The following SYT14 variants were observed in gnomAD, a reference collection of about 807,000 sequenced individuals.
SYT14 encodes synaptotagmin 14.
Under a neutral mutation model 74.2 loss-of-function variants are expected in SYT14, and 32 were observed. The observed-to-expected ratio is 0.43, with a 90% confidence interval of 0.33 to 0.58. The LOEUF (loss-of-function observed/expected upper bound fraction) is 0.58, where lower values mean the gene tolerates loss of function less well. Among genes scored for constraint, SYT14 ranks in the 20% least tolerant of loss-of-function variants. The pLI, the probability that SYT14 is intolerant of heterozygous loss-of-function variation, is 0.05. For missense variants in SYT14, 791 were observed against 981.8 expected, an observed-to-expected ratio of 0.81 and a Z score of 2.60; for synonymous variants, 298 against 337.7, an observed-to-expected ratio of 0.88 and a Z score of 1.29.
chr1:210,146,831 C>T (rs2083047972), intron 7 of SYT14, among the ~76,000 whole-genome samples: 1 of 150,854 alleles, frequency 6.6e-6, no homozygotes, highest in African/African-American at 2.4e-5. Context: ...TACATGCATA[C>T]TATATGTATG....
chr1:209,984,465 C>T (rs529434489), intron 2 of SYT14, among the ~76,000 whole-genome samples: 1 of 152,208 alleles, frequency 6.6e-6, no homozygotes, highest in Non-Finnish European at 1.5e-5. Flanking sequence ...TTCCTTCTCC[C>T]TCATTTTCTG....
At chr1:210,006,367 C>T (rs1439043962) in intron 2 of SYT14, among the ~76,000 whole-genome samples, 1 of 151,820 alleles carries the variant, frequency 6.6e-6, no homozygotes, top group African/African-American at 2.4e-5. Flanking sequence ...CTTCTGTTTT[C>T]CTAAATTATC....
exon 10 of SYT14, chr1:210,170,308 G>GT (rs2083511250): frequency 1.3e-5 from 2 of 151,848 alleles, no homozygotes; most frequent in African/African-American, 4.8e-5. Context: ...GAAGCAGTCT[G>GT]TTTTATAGAG....
chr1:210,135,844 G>A (rs2082774351), intron 7 of SYT14, among the ~76,000 whole-genome samples: 1 of 152,086 alleles, frequency 6.6e-6, no homozygotes, highest in Admixed American at 6.5e-5. Context: ...CACTACTCAG[G>A]CAATTTCCTT....
At position 209,938,345 on chromosome 1, in the gene SYT14, G is replaced by C. The variant is rs1045196642; in HGVS notation, c.-534+68G>C. On this transcript the variant is annotated intron_variant, in intron 1 of 9. Transcript: ENST00000637265. ...CAGCTGGCGGGGGGCTCGGAGGTGC[G>C]CCGGCAGGCCGAGGCGCTGACGGGG... 5 of 1,479,108 alleles carry C rather than the reference G, an allele frequency of 3.4e-6. 1 individual carries two copies. The African/African-American group carries it at 5.8e-5, about 17-fold the overall frequency. 91.6% of individuals were successfully genotyped at this position (1,479,108 alleles called of 1,614,324 possible).
At chr1:209,980,674 A>T (rs552906112) in intron 2 of SYT14, among the ~76,000 whole-genome samples, 4 of 152,330 alleles carry the variant, frequency 2.6e-5, no homozygotes, top group African/African-American at 9.6e-5. Flanking sequence ...ATGGCTAGCC[A>T]GTTCTCCCAG....
chr1:210,169,220 T>TG (rs1428562774), exon 10 of SYT14: 15 of 85,374 alleles, frequency 1.8e-4, no homozygotes, highest in South Asian at 1.6e-3. Context: ...ATGTTTTTGG[T>TG]GTTTTTTTTT....
chr1:210,047,727 A>G (rs547609683), intron 5 of SYT14, among the ~76,000 whole-genome samples: 8 of 152,314 alleles, frequency 5.3e-5, no homozygotes, highest in African/African-American at 1.7e-4. Context: ...TATATTTTCA[A>G]TGCATTTCTG....
In SYT14 at chr1:210,079,531, G is replaced by A. The variant is rs114127780; in HGVS notation, c.1313-14791G>A. Among the ~76,000 whole-genome samples, 1,202 of 152,240 alleles carry A rather than the reference G, an allele frequency of 7.9e-3. 21 individuals carry two copies. The highest frequency in any genetic ancestry group is 0.028 in the African/African-American group (1,146 of 41,538). On this transcript the variant is annotated intron_variant, in intron 5 of 9. Coordinates refer to ENST00000637265, the Ensembl canonical transcript of SYT14. Reference sequence around the variant, plus strand: ...AAAACCACTTGTGGCTCATTTGGGCGTGACATTGTCCGAGTTGAGAATGCA... The same window carrying A: ...AAAACCACTTGTGGCTCATTTGGGCATGACATTGTCCGAGTTGAGAATGCA...
chr1:210,023,544 A>G (rs1318006978), intron 5 of SYT14, among the ~76,000 whole-genome samples: 1 of 151,940 alleles, frequency 6.6e-6, no homozygotes, highest in Non-Finnish European at 1.5e-5. Flanking sequence ...GGGCTTCACC[A>G]TATTGGCCAG....
chr1:210,052,012 A>G (rs903155298), intron 5 of SYT14, among the ~76,000 whole-genome samples: 5 of 152,126 alleles, frequency 3.3e-5, no homozygotes, highest in Admixed American at 3.3e-4. Flanking sequence ...TTGCATATGT[A>G]TAGTCAAATT....
At chr1:209,965,665 C>T (rs1221469719) in intron 2 of SYT14, among the ~76,000 whole-genome samples, 4 of 152,180 alleles carry the variant, frequency 2.6e-5, no homozygotes, top group Admixed American at 6.5e-5. Context: ...AACTAATTTA[C>T]AGTCCCATCA....
rs1464342102 is a variant in SYT14, at chr1:210,122,050, T to C, written c.2034+21589T>C. Among the ~76,000 whole-genome samples, 2 of 17,722 alleles carry C rather than the reference T, an allele frequency of 1.1e-4. 1 individual carries two copies. The highest frequency in any genetic ancestry group is 1.7e-4 in the Non-Finnish European group (2 of 11,502). The allele number at this position is 17,722 out of a possible 152,430, so 11.6% of individuals were successfully genotyped here. A position where few individuals can be genotyped will look rare whatever the true frequency, so the allele number is the denominator to read the frequency against. ...TGGAGTGCAGTGGTGGGATCTCGGCTCACTGCAAGCTCCGCCTCCCGGGTT... is the reference window on the plus strand; with the variant it reads ...TGGAGTGCAGTGGTGGGATCTCGGCCCACTGCAAGCTCCGCCTCCCGGGTT... On this transcript the variant is annotated intron_variant, in intron 7 of 9. Transcript: ENST00000637265.
At chr1:210,113,561 G>C (rs2082304263) in intron 7 of SYT14, among the ~76,000 whole-genome samples, 1 of 151,120 alleles carries the variant, frequency 6.6e-6, no homozygotes, top group Non-Finnish European at 1.5e-5. Context: ...ATGGGATATT[G>C]GTGTTGAGCG....
At chr1:210,074,788 T>C (rs962186240) in intron 5 of SYT14, among the ~76,000 whole-genome samples, 18 of 152,210 alleles carry the variant, frequency 1.2e-4, no homozygotes, top group African/African-American at 4.1e-4. Context: ...ACTGGCAGGC[T>C]GTGGGGCTCT....
chr1:210,088,384 G>T (rs2081785729), intron 5 of SYT14, among the ~76,000 whole-genome samples: 2 of 151,770 alleles, frequency 1.3e-5, no homozygotes, highest in Admixed American at 1.3e-4. Context: ...GGTGTGTGAT[G>T]TTCCCCTCCC....
intron 2 of SYT14, among the ~76,000 whole-genome samples, chr1:209,984,887 A>C (rs1252108638): frequency 6.6e-6 from 1 of 152,160 alleles, no homozygotes; most frequent in Non-Finnish European, 1.5e-5. Context: ...GGTGCCACAC[A>C]CTTAAACAAC....
intron 1 of SYT14, among the ~76,000 whole-genome samples, chr1:209,945,464 T>TG (rs2078807687): frequency 6.6e-6 from 1 of 152,118 alleles, no homozygotes; most frequent in African/African-American, 2.4e-5. Flanking sequence ...TTAAATTGGT[T>TG]GGGGGGAGTT....
intron 5 of SYT14, among the ~76,000 whole-genome samples, chr1:210,036,849 A>AT (rs2080675623): frequency 6.6e-6 from 1 of 151,918 alleles, no homozygotes; most frequent in Admixed American, 6.6e-5. Context: ...TTTGTTGAAG[A>AT]TTTTTGCATC....
Sources: gnomAD v4.1 joint callset for allele counts (sites outside exome capture counted in the v4.1 genomes callset) on GRCh38, gnomAD v4.1.1 for gene constraint, MANE v1.5 for transcripts, NCBI Gene and HGNC (gene_info 2026-07-23, HGNC 2026-07-21) for gene names.